C3orf52: variants seen among roughly 807,000 people sequenced by gnomAD.
The protein encoded by C3orf52 is TPA-induced transmembrane protein.
In C3orf52, 22 loss-of-function variants were observed where a neutral mutation model predicts 24.8. The observed-to-expected ratio is 0.89, with a 90% CI of 0.63 to 1.27. The LOEUF (loss-of-function observed/expected upper bound fraction) is 1.27, where lower values mean the gene tolerates loss of function less well. Among genes scored for constraint, C3orf52 ranks in the 50% most tolerant of loss-of-function variants. C3orf52 has a pLI of 0.00. For missense variants in C3orf52, 265 were observed against 260.7 expected, an observed-to-expected ratio of 1.02 and a Z score of -0.11; for synonymous variants, 93 against 100.2, an observed-to-expected ratio of 0.93 and a Z score of 0.43.
At chr3:112,135,598 T>C (rs1173984127), downstream of C3orf52, among the ~76,000 whole-genome samples, 3 of 147,632 alleles carry the variant, frequency 2.0e-5, no homozygotes, top group African/African-American at 7.3e-5. Context: ...AGATAAGCCA[T>C]TATTGATCAT....
chr3:112,086,611 C>T, intron 1 of C3orf52, 66 bp downstream of exon 1: 2 of 1,498,688 alleles, frequency 1.3e-6, no homozygotes, highest in African/African-American at 1.4e-5. Context: ...CCGGGCCTGG[C>T]ACCCGCGAGT....
downstream of C3orf52, chr3:112,134,917 A>T (rs938795281): frequency 1.3e-5 from 2 of 155,004 alleles, no homozygotes; most frequent in Admixed American, 1.3e-4. Context: ...ATTAGAGATA[A>T]GGTGAAACCA....
chr3:112,120,940 A>G (rs2074184347), downstream of C3orf52: 1 of 152,126 alleles, frequency 6.6e-6, no homozygotes, highest in African/African-American at 2.4e-5. Flanking sequence ...TTTTGTTCTT[A>G]ATATTATTTT....
chr3:112,132,200 A>G (rs970404147), downstream of C3orf52, among the ~76,000 whole-genome samples: 1 of 152,230 alleles, frequency 6.6e-6, no homozygotes, highest in African/African-American at 2.4e-5. Context: ...AGGAAGGGAC[A>G]TGAGATATTC....
intron 4 of C3orf52, chr3:112,126,905 G>C: frequency 2.1e-6 from 2 of 946,286 alleles, no homozygotes; most frequent in Non-Finnish European, 3.4e-6. Flanking sequence ...TATGCCTAAG[G>C]GGCTTTGGGA....
downstream of C3orf52, chr3:112,121,747 C>T (rs994830776): frequency 6.6e-6 from 1 of 152,226 alleles, no homozygotes; most frequent in Non-Finnish European, 1.5e-5. Context: ...TGAAGACCAT[C>T]ACCTGGCTGA....
rs1268028385 is a variant in C3orf52, at chr3:112,113,131, C to A, written c.635C>A (p.Ser212Tyr). Residue 212 changes from serine to tyrosine, a missense_variant, in exon 5 of 6, where the codon TCC becomes TAC. Physicochemically the swap from Ser to Tyr is moderately radical, Grantham distance 144 (BLOSUM62 -2). Coordinates refer to ENST00000264848, the MANE Select transcript of C3orf52 (RefSeq NM_024616.3). Reference sequence around the variant, plus strand: ...GAGAGTCTGGGGCTTGATCCAACATCCCTCTTGCTCTATGGTAAGTAGAGC... The same window carrying A: ...GAGAGTCTGGGGCTTGATCCAACATACCTCTTGCTCTATGGTAAGTAGAGC... Reference protein sequence around the residue: ...GCESLGLDPTSLLLYE With the variant: ...GCESLGLDPTYLLLYE The A allele has an allele frequency of 6.2e-7, 1 of 1,606,548 alleles. No individual in the cohort carries two copies. The highest frequency in any genetic ancestry group is 1.1e-5 in the South Asian group (1 of 88,862).
chr3:112,128,156 T>C (rs766516597), intron 4 of C3orf52: 1 of 1,072,990 alleles, frequency 9.3e-7, no homozygotes, highest in African/African-American at 1.6e-5. Flanking sequence ...TGGAAAACTT[T>C]TTTTCTCCCC....
rs143151497 is a variant in C3orf52, at chr3:112,101,129, G to A, written c.269-1709G>A. ...TAAGGACGCAGGGATAATTCCCTACGTTTGGGGGTCCCCAAGATTACTCCT... is the reference window on the plus strand; with the variant it reads ...TAAGGACGCAGGGATAATTCCCTACATTTGGGGGTCCCCAAGATTACTCCT... On this transcript the variant is annotated intron_variant, in intron 2 of 5. Transcript: ENST00000264848. 1.2e-3 allele frequency among the ~76,000 whole-genome samples: 182 copies of A among 152,212 alleles called. 1 individual carries two copies. The highest frequency in any genetic ancestry group is 4.2e-3 in the African/African-American group (173 of 41,532).
In C3orf52 at chr3:112,116,854, C is replaced by T. The variant is rs2074138481; in HGVS notation, c.*208C>T. The stretch of plus-strand genomic sequence containing the variant: ...TCCCGAGCACTGCTTCAGCTGGGTC[C>T]AGTCTTGACAAAGGCAGGAAGCCAG... On this transcript the variant is annotated 3_prime_UTR_variant, in exon 6 of 6. Transcript: ENST00000264848. 3.9e-6 allele frequency: 6 copies of T among 1,537,326 alleles called. No homozygotes were observed. Among genetic ancestry groups the T allele is most frequent in the Non-Finnish European group, 5.2e-6 (6 of 1,146,912 alleles).
chr3:112,108,599 G>A (rs961047357), intron 3 of C3orf52, among the ~76,000 whole-genome samples: 1 of 152,214 alleles, frequency 6.6e-6, no homozygotes, highest in Non-Finnish European at 1.5e-5. Flanking sequence ...CAGAGGAATG[G>A]ATAGGCTGGT....
chr3:112,120,946 A>G (rs2074184594), downstream of C3orf52: 2 of 152,138 alleles, frequency 1.3e-5, no homozygotes, highest in South Asian at 2.1e-4. Context: ...TCTTAATATT[A>G]TTTTTGACTG....
chr3:112,135,294 A>G (rs960268397), downstream of C3orf52: 6 of 152,244 alleles, frequency 3.9e-5, no homozygotes, highest in Non-Finnish European at 7.3e-5. Flanking sequence ...GTTCAATGGT[A>G]AGAAAAGCAG....
chr3:112,123,250 G>T (rs1007318282), intron 4 of C3orf52: 1 of 902,652 alleles, frequency 1.1e-6, no homozygotes, highest in Non-Finnish European at 1.6e-6. Context: ...TTCTCAAATG[G>T]TGTTGTTCAG....
chr3:112,102,996 T>A, intron 3 of C3orf52, 31 bp downstream of exon 3: 1 of 1,603,356 alleles, frequency 6.2e-7, no homozygotes, highest in Non-Finnish European at 8.5e-7. Context: ...GCCTAAGGAG[T>A]TCTTGACATT....
chr3:112,105,188 C>T (rs180741472), intron 3 of C3orf52, among the ~76,000 whole-genome samples: 3 of 152,276 alleles, frequency 2.0e-5, no homozygotes, highest in East Asian at 1.9e-4. Context: ...CCAGTTTCTT[C>T]GCTGATAAAT....
chr3:112,115,675 T>C (rs2074127875), intron 5 of C3orf52, among the ~76,000 whole-genome samples: 2 of 152,124 alleles, frequency 1.3e-5, no homozygotes. Context: ...CAGCCTATGG[T>C]CCATTTGGGG....
At chr3:112,133,090 A>C (rs2074497863), downstream of C3orf52, 1 of 1,613,262 alleles carries the variant, frequency 6.2e-7, no homozygotes, top group African/African-American at 1.3e-5. Context: ...GTCTAGACTT[A>C]CCTGTTTTCT....
intron 1 of C3orf52, among the ~76,000 whole-genome samples, chr3:112,089,703 T>A (rs1023059915): frequency 1.3e-5 from 2 of 152,026 alleles, no homozygotes; most frequent in African/African-American, 4.8e-5. Context: ...TGTAAGAAAA[T>A]TTTCCCTGAT....
Sources: allele counts gnomAD v4.1 joint callset (sites outside exome capture counted in the v4.1 genomes callset), GRCh38; gene constraint gnomAD v4.1.1; transcripts MANE v1.5; gene names NCBI Gene and HGNC (gene_info 2026-07-23, HGNC 2026-07-21).